CCSER1: variants seen among roughly 807,000 people sequenced by gnomAD.
CCSER1 encodes the protein serine-rich coiled-coil domain-containing protein 1.
CCSER1 carries 41 observed loss-of-function variants against 82.0 expected under a neutral mutation model. That is an observed-to-expected ratio of 0.50 (90% CI 0.39 to 0.65). The LOEUF (loss-of-function observed/expected upper bound fraction) is 0.65. CCSER1 is among the 30% of genes least tolerant of loss of function. The pLI is 0.00. For synonymous variants in CCSER1, 414 were observed against 383.9 expected, an observed-to-expected ratio of 1.08 and a Z score of -0.92; for missense variants, 1,119 against 1,064.2, an observed-to-expected ratio of 1.05 and a Z score of -0.72.
chr4:90,305,370 A>G (rs1439914604), intron 1 of CCSER1, among the ~76,000 whole-genome samples: 1 of 152,216 alleles, frequency 6.6e-6, no homozygotes, highest in Non-Finnish European at 1.5e-5. Context: ...GCTGCAAATC[A>G]TTATGGTTGA....
In CCSER1 at chr4:91,120,100, A is replaced by T. The variant is rs529860507; in HGVS notation, c.2217+34106A>T. 2.0e-5 allele frequency among the ~76,000 whole-genome samples: 3 copies of T among 152,120 alleles called. No individual in the cohort carries two copies. The East Asian group carries it at 5.8e-4, about 29-fold the overall frequency. The stretch of plus-strand genomic sequence containing the variant: ...GAGAGTGGGGTATGGAGATTAGAAT[A>T]CTTCGATTGTTTAATAATAATTTGC... On this transcript the variant is annotated intron_variant, in intron 10 of 10. Transcript: ENST00000509176.
chr4:90,357,127 TATTTA>T (rs1744506623), intron 3 of CCSER1, among the ~76,000 whole-genome samples: 1 of 151,926 alleles, frequency 6.6e-6, no homozygotes, highest in Non-Finnish European at 1.5e-5. Flanking sequence ...ATGCAACCCT[TATTTA>T]ATTATAGAAT....
At chr4:90,850,975 T>C (rs1298195778) in intron 8 of CCSER1, among the ~76,000 whole-genome samples, 2 of 152,180 alleles carry the variant, frequency 1.3e-5, no homozygotes, top group East Asian at 1.9e-4. Context: ...AATTGAATCA[T>C]GGACGCAGTT....
chr4:90,622,492 C>G (rs1005806104), intron 5 of CCSER1, among the ~76,000 whole-genome samples: 2 of 152,124 alleles, frequency 1.3e-5, no homozygotes, highest in Admixed American at 1.3e-4. Flanking sequence ...TTATTCAATT[C>G]CCACCTATGA....
intron 9 of CCSER1, among the ~76,000 whole-genome samples, chr4:90,964,477 A>AG (rs1183770955): frequency 2.0e-5 from 3 of 151,052 alleles, no homozygotes; most frequent in Non-Finnish European, 4.4e-5. Context: ...TTGTAATCCC[A>AG]CACTTTGGGA....
intron 9 of CCSER1, among the ~76,000 whole-genome samples, chr4:91,006,666 T>G (rs910350509): frequency 6.6e-5 from 10 of 152,030 alleles, no homozygotes; most frequent in African/African-American, 1.9e-4. Context: ...ATTTTTTTTG[T>G]ATTTTTAGTA....
chr4:90,147,169 CTGTG>C (rs1389061073), intron 1 of CCSER1, among the ~76,000 whole-genome samples: 1 of 151,262 alleles, frequency 6.6e-6, no homozygotes, highest in Non-Finnish European at 1.5e-5. Flanking sequence ...CTGTGTCTTT[CTGTG>C]TGTAAGACAC....
intron 1 of CCSER1, among the ~76,000 whole-genome samples, chr4:90,302,804 A>AAAAACAAAAC (rs568160665): frequency 0.03 from 4,591 of 151,728 alleles, 180 homozygotes; most frequent in African/African-American, 0.092. Flanking sequence ...CCTTGTCTCC[A>AAAAACAAAAC]AAAACAAAAC....
intron 10 of CCSER1, among the ~76,000 whole-genome samples, chr4:91,468,145 A>G (rs1757038266): frequency 1.3e-5 from 2 of 152,234 alleles, no homozygotes; most frequent in African/African-American, 4.8e-5. Flanking sequence ...TATGTGGCAC[A>G]TATACTCCAT....
At chr4:90,991,402 C>G (rs776332464) in intron 9 of CCSER1, among the ~76,000 whole-genome samples, 1 of 151,906 alleles carries the variant, frequency 6.6e-6, no homozygotes. Context: ...GTCTCTGAAG[C>G]CTTTAAAGAG....
chr4:90,835,103 G>A (rs4305485), intron 8 of CCSER1, among the ~76,000 whole-genome samples: 25,434 of 152,116 alleles, frequency 0.17, 2,590 homozygotes, highest in South Asian at 0.27. Flanking sequence ...AGGCCGAGGC[G>A]GATGGATCAC....
At chr4:91,495,994 T>A (rs1322839639) in intron 10 of CCSER1, among the ~76,000 whole-genome samples, 4 of 151,604 alleles carry the variant, frequency 2.6e-5, no homozygotes, top group Non-Finnish European at 4.4e-5. Context: ...TATAAAACTT[T>A]TACCATGAAG....
chr4:91,402,694 C>A (rs1378215700), intron 10 of CCSER1, among the ~76,000 whole-genome samples: 5 of 152,122 alleles, frequency 3.3e-5, no homozygotes, highest in Admixed American at 1.3e-4. Context: ...TGTCAAAGAT[C>A]AGATGTTTGT....
intron 3 of CCSER1, among the ~76,000 whole-genome samples, chr4:90,319,506 C>T (rs1162475694): frequency 6.6e-6 from 1 of 152,104 alleles, no homozygotes; most frequent in Non-Finnish European, 1.5e-5. Flanking sequence ...AAAAAATTAG[C>T]CAGGCGTGGT....
chr4:90,684,407 T>G (rs1734436852), intron 6 of CCSER1, among the ~76,000 whole-genome samples: 1 of 152,188 alleles, frequency 6.6e-6, no homozygotes, highest in South Asian at 2.1e-4. Flanking sequence ...AAAAATAACA[T>G]GCTATTCATT....
At chr4:90,601,542 A>G (rs1433183666) in intron 5 of CCSER1, among the ~76,000 whole-genome samples, 1 of 152,024 alleles carries the variant, frequency 6.6e-6, no homozygotes, top group African/African-American at 2.4e-5. Flanking sequence ...CTTTACTTGT[A>G]TGCTATTTTA....
At chr4:91,333,599 C>T (rs1431684557) in intron 10 of CCSER1, among the ~76,000 whole-genome samples, 1 of 151,962 alleles carries the variant, frequency 6.6e-6, no homozygotes, top group South Asian at 2.1e-4. Context: ...GATATGGAAG[C>T]AGAATAAAGT....
chr4:90,376,106 A>G (rs1360410448), intron 3 of CCSER1, among the ~76,000 whole-genome samples: 1 of 152,168 alleles, frequency 6.6e-6, no homozygotes. Context: ...GGTGATCACA[A>G]TTGACCTTCA....
At chr4:90,903,302 A>G (rs1235184963) in intron 8 of CCSER1, among the ~76,000 whole-genome samples, 3 of 151,894 alleles carry the variant, frequency 2.0e-5, no homozygotes, top group African/African-American at 7.3e-5. Context: ...ACAAGATCTG[A>G]TGGGTTTATC....
Sources: allele counts gnomAD v4.1 joint callset (sites outside exome capture counted in the v4.1 genomes callset), GRCh38; gene constraint gnomAD v4.1.1; transcripts MANE v1.5; gene names NCBI Gene and HGNC (gene_info 2026-07-23, HGNC 2026-07-21).